ZNF875: variants seen among roughly 807,000 people sequenced by gnomAD.
ZNF875 encodes the protein zinc finger protein 875.
Under a neutral mutation model 11.2 loss-of-function variants are expected in ZNF875, and 14 were observed. That is an observed-to-expected ratio of 1.26 (90% CI 0.83 to 1.96). ZNF875 has a LOEUF of 1.96. ZNF875 is among the 30% of genes most tolerant of loss of function. ZNF875 has a pLI of 0.00. For missense variants in ZNF875, 752 were observed against 760.4 expected (o/e 0.99, Z 0.13); for synonymous variants, 301 against 281.1 (o/e 1.07, Z -0.71).
upstream of ZNF875, among the ~76,000 whole-genome samples, chr19:37,330,953 G>A (rs1319890368): frequency 6.6e-6 from 1 of 152,046 alleles, no homozygotes; most frequent in African/African-American, 2.4e-5. Flanking sequence ...TTGGGAGGCT[G>A]AGGCGGGTGG....
chr19:37,362,718 G>A lies in ZNF875; in HGVS notation c.866G>A (p.Arg289Gln), dbSNP rs368976173. ...CCTTATGTGTGCAGGGAATGTGGGC[G>A]AGGCTTTACGTGGAAGTCAAACCTG... ...GKPYVCRECG[R>Q]GFTWKSNLIT... is the part of the protein sequence containing the mutation. Residue 289 changes from arginine to glutamine, a missense_variant, in exon 5 of 5, where the codon CGA (arginine) becomes CAA (glutamine). Transcript: ENST00000392153. 69 of 1,613,102 alleles carry A rather than the reference G, an allele frequency of 4.3e-5. No homozygotes were observed. In the Middle Eastern group the frequency reaches 6.6e-4, roughly 15 times the overall value.
chr19:37,360,305 C>T (rs1244128787), intron 4 of ZNF875, among the ~76,000 whole-genome samples: 1 of 152,232 alleles, frequency 6.6e-6, no homozygotes, highest in Non-Finnish European at 1.5e-5. Context: ...GACAGTAGCA[C>T]ACTATCTTCA....
chr19:37,361,492 C>A lies in ZNF875; in HGVS notation c.257-617C>A, dbSNP rs888327125. On this transcript the variant is annotated intron_variant, in intron 4 of 4. Transcript: ENST00000392153. ...CCTTCTTCTTCCTTCCTTTCTCTTT[C>A]TCTTTTCTGTGTCTCCCTCTTTTGA... Among the ~76,000 whole-genome samples the A allele has an allele frequency of 7.9e-5, 12 of 151,960 alleles. No homozygotes were observed. The East Asian group carries it at 9.6e-4, about 12-fold the overall frequency.
intron 2 of ZNF875, chr19:37,346,916 T>G: frequency 6.2e-6 from 2 of 320,120 alleles, no homozygotes; most frequent in Non-Finnish European, 1.2e-5. Flanking sequence ...CAGGCTGGAG[T>G]GCAATGGCGC....
upstream of ZNF875, among the ~76,000 whole-genome samples, chr19:37,332,216 CAG>C (rs1360162193): frequency 1.3e-5 from 2 of 148,994 alleles, no homozygotes; most frequent in Admixed American, 6.7e-5. Flanking sequence ...TAAGGGAACT[CAG>C]AGGCTGGCGG....
intron 2 of ZNF875, among the ~76,000 whole-genome samples, chr19:37,342,544 C>T (rs2035943543): frequency 6.6e-6 from 1 of 151,946 alleles, no homozygotes; most frequent in Non-Finnish European, 1.5e-5. Context: ...TCCCGAGTAG[C>T]TGGGATTACA....
intron 4 of ZNF875, among the ~76,000 whole-genome samples, chr19:37,348,642 T>C (rs772086283): frequency 6.6e-6 from 1 of 152,234 alleles, no homozygotes; most frequent in Non-Finnish European, 1.5e-5. Flanking sequence ...TTGTATTTTA[T>C]GCATAATTAT....
chr19:37,319,374 A>C (rs1377070884), intron 1 of ZNF875, among the ~76,000 whole-genome samples: 1 of 101,154 alleles, frequency 9.9e-6, no homozygotes, highest in East Asian at 2.8e-4. Context: ...TATATAATAA[A>C]AATGGTAATG....
intron 2 of ZNF875, among the ~76,000 whole-genome samples, chr19:37,335,969 C>T (rs995650734): frequency 7.9e-5 from 12 of 152,194 alleles, no homozygotes; most frequent in African/African-American, 2.9e-4. Context: ...GCATTCCTTT[C>T]TGCTCCATCC....
chr19:37,333,519 A>T (rs1384642437), upstream of ZNF875, among the ~76,000 whole-genome samples: 1 of 152,140 alleles, frequency 6.6e-6, no homozygotes, highest in African/African-American at 2.4e-5. Flanking sequence ...GTTGGAAGAC[A>T]TTCTGGAGGG....
At chr19:37,328,592 A>C (rs1347681985) in intron 4 of ZNF875, 4 of 152,216 alleles carry the variant, frequency 2.6e-5, no homozygotes, top group African/African-American at 9.7e-5. Flanking sequence ...AGGACAACAC[A>C]GCGAGACCTT....
intron 2 of ZNF875, among the ~76,000 whole-genome samples, chr19:37,345,384 G>A (rs913266145): frequency 1.3e-5 from 2 of 152,220 alleles, no homozygotes; most frequent in African/African-American, 4.8e-5. Context: ...AGTCCAGCCA[G>A]TGTAGAATAG....
Position 37,363,838 on chromosome 19 carries a change from C to G in ZNF875, c.*63C>G. The G allele has an allele frequency of 7.3e-7, 1 of 1,371,390 alleles. No individual in the cohort carries two copies. Among genetic ancestry groups the G allele is most frequent in the Non-Finnish European group, 1.0e-6 (1 of 972,300 alleles). 85.0% of individuals were successfully genotyped at this position (1,371,390 alleles called of 1,614,324 possible). A position where few individuals can be genotyped will look rare whatever the true frequency, so the allele number is the denominator to read the frequency against. ...GCCAGGAGTCATACTTCATCAGACA[C>G]CAGAGGACACACACAGTGCTGTGGC... On this transcript the variant is annotated 3_prime_UTR_variant, in exon 5 of 5. Coordinates refer to ENST00000392153, the MANE Select transcript of ZNF875 (RefSeq NM_001353803.2).
chr19:37,330,604 G>A (rs2033225291), upstream of ZNF875, among the ~76,000 whole-genome samples: 1 of 152,102 alleles, frequency 6.6e-6, no homozygotes, highest in South Asian at 2.1e-4. Context: ...AAGGGTAACT[G>A]CTTACTCCTT....
At chr19:37,316,619 C>T (rs1196216209), upstream of ZNF875, among the ~76,000 whole-genome samples, 2 of 151,910 alleles carry the variant, frequency 1.3e-5, no homozygotes, top group Admixed American at 6.6e-5. Flanking sequence ...ATCCACCCGC[C>T]TCGGCCTCCC....
chr19:37,359,290 C>T (rs1053721256), intron 4 of ZNF875: 1 of 162,766 alleles, frequency 6.1e-6, no homozygotes, highest in African/African-American at 2.4e-5. Flanking sequence ...AGAAAGTTCT[C>T]ATGTGCCCAT....
chr19:37,342,599 A>G (rs2035956702), intron 2 of ZNF875, among the ~76,000 whole-genome samples: 1 of 151,814 alleles, frequency 6.6e-6, no homozygotes, highest in South Asian at 2.1e-4. Flanking sequence ...TTTAGTAGAG[A>G]CGGGGTTTCT....
At chr19:37,314,644 G>A (rs1469678127), upstream of ZNF875, among the ~76,000 whole-genome samples, 1 of 151,794 alleles carries the variant, frequency 6.6e-6, no homozygotes, top group African/African-American at 2.4e-5. Context: ...AGCCAACATG[G>A]TGAAACACTG....
Position 37,357,822 on chromosome 19 carries a change from A to G in ZNF875, c.257-4287A>G, listed in dbSNP as rs2039171062. ...TCTAGGTAAAGGATTCTTGGCGAAC[A>G]GAGATAATTTGACTCCCTCTTTTCC... is the stretch of plus-strand genomic sequence containing the variant. On this transcript the variant is annotated intron_variant, in intron 4 of 4. Coordinates refer to ENST00000392153, the MANE Select transcript of ZNF875 (RefSeq NM_001353803.2). 2.3e-5 allele frequency: 9 copies of G among 395,080 alleles called. No individual in the cohort carries two copies. In the East Asian group the frequency reaches 3.2e-4, roughly 14 times the overall value. The allele number at this position is 395,080 out of a possible 1,614,324, so 24.5% of individuals were successfully genotyped here. A position where few individuals can be genotyped will look rare whatever the true frequency, so the allele number is the denominator to read the frequency against.
Sources: allele counts gnomAD v4.1 joint callset (sites outside exome capture counted in the v4.1 genomes callset), GRCh38; gene constraint gnomAD v4.1.1; transcripts MANE v1.5; gene names NCBI Gene and HGNC (gene_info 2026-07-23, HGNC 2026-07-21).